The following SOX5 variants were observed in gnomAD, a reference collection of about 807,000 sequenced individuals.
SOX5 encodes transcription factor SOX-5.
In SOX5, 9 loss-of-function variants were observed where a neutral mutation model predicts 92.0. The observed-to-expected ratio is 0.10, with a 90% CI of 0.06 to 0.17. The LOEUF (loss-of-function observed/expected upper bound fraction) is 0.17, where lower values mean the gene tolerates loss of function less well. Among genes scored for constraint, SOX5 ranks in the 10% least tolerant of loss-of-function variants. SOX5 has a pLI of 1.00. For missense variants in SOX5, 642 were observed against 944.5 expected (o/e 0.68, Z 4.20); for synonymous variants, 344 against 336.3 (o/e 1.02, Z -0.25).
chr12:24,320,787 C>G (rs1229957453), intron 2 of SOX5, among the ~76,000 whole-genome samples: 1 of 151,598 alleles, frequency 6.6e-6, no homozygotes, highest in Non-Finnish European at 1.5e-5. Context: ...ATGGCGTGAA[C>G]CTGGGAGGCG....
chr12:23,591,193 G>A (rs1267967163), intron 9 of SOX5, among the ~76,000 whole-genome samples: 1 of 151,888 alleles, frequency 6.6e-6, no homozygotes, highest in Non-Finnish European at 1.5e-5. Flanking sequence ...TCCTTATACA[G>A]ACACATTCTC....
chr12:24,153,681 T>G (rs888035300), intron 4 of SOX5, among the ~76,000 whole-genome samples: 2 of 152,096 alleles, frequency 1.3e-5, no homozygotes, highest in African/African-American at 4.8e-5. Flanking sequence ...ACATTAGAAC[T>G]AAAGTGATTC....
intron 2 of SOX5, among the ~76,000 whole-genome samples, chr12:24,340,793 A>G (rs541579979): frequency 6.6e-6 from 1 of 152,340 alleles, no homozygotes; most frequent in African/African-American, 2.4e-5. Flanking sequence ...TTTAATACAG[A>G]GCTACACACT....
intron 1 of SOX5, among the ~76,000 whole-genome samples, chr12:24,481,490 T>C (rs898822889): frequency 6.6e-6 from 1 of 152,154 alleles, no homozygotes; most frequent in African/African-American, 2.4e-5. Flanking sequence ...CATGATGTGA[T>C]TATTATGCAT....
chr12:23,881,898 T>C (rs1019064558), intron 2 of SOX5, among the ~76,000 whole-genome samples: 1 of 152,166 alleles, frequency 6.6e-6, no homozygotes, highest in African/African-American at 2.4e-5. Context: ...TCTATCTATG[T>C]AAAACAAAAA....
At chr12:23,661,361 A>G (rs905536691) in intron 7 of SOX5, among the ~76,000 whole-genome samples, 1 of 152,184 alleles carries the variant, frequency 6.6e-6, no homozygotes, top group Non-Finnish European at 1.5e-5. Flanking sequence ...AATAGCAATG[A>G]TCCTGAACAT....
intron 1 of SOX5, among the ~76,000 whole-genome samples, chr12:23,945,012 T>C (rs1187263215): frequency 1.3e-5 from 2 of 152,142 alleles, no homozygotes; most frequent in Non-Finnish European, 1.5e-5. Flanking sequence ...ATTTAACTAA[T>C]CTATAAAAAG....
intron 3 of SOX5, among the ~76,000 whole-genome samples, chr12:23,782,398 A>C (rs1037469761): frequency 4.6e-5 from 7 of 152,184 alleles, no homozygotes; most frequent in Admixed American, 4.6e-4. Flanking sequence ...AGAGATATGC[A>C]GAAGCAGAAT....
chr12:24,341,928 G>T (rs1240110065), intron 2 of SOX5, among the ~76,000 whole-genome samples: 2 of 152,164 alleles, frequency 1.3e-5, no homozygotes, highest in African/African-American at 4.8e-5. Context: ...AAGGGTGGTG[G>T]TAGCTTCTGG....
chr12:24,519,485 G>A (rs753122452), intron 1 of SOX5, among the ~76,000 whole-genome samples: 2 of 151,660 alleles, frequency 1.3e-5, no homozygotes, highest in African/African-American at 4.8e-5. Context: ...AAATAGATTT[G>A]AGAAAAAAAA....
intron 4 of SOX5, among the ~76,000 whole-genome samples, chr12:24,133,419 T>C (rs1380636422): frequency 2.6e-5 from 4 of 152,216 alleles, no homozygotes; most frequent in Non-Finnish European, 5.9e-5. Context: ...GACTATGGTG[T>C]CTAATCAGAT....
At chr12:24,490,228 G>T (rs1410297529) in intron 1 of SOX5, among the ~76,000 whole-genome samples, 1 of 152,204 alleles carries the variant, frequency 6.6e-6, no homozygotes. Flanking sequence ...AGCAAGAAAA[G>T]TATCCATGGC....
intron 4 of SOX5, among the ~76,000 whole-genome samples, chr12:24,040,221 G>T (rs1445034704): frequency 6.6e-6 from 1 of 152,128 alleles, no homozygotes; most frequent in East Asian, 1.9e-4. Flanking sequence ...TTTGAAAAAT[G>T]AACAGAATTC....
At chr12:24,375,213 T>A (rs889740706) in intron 1 of SOX5, among the ~76,000 whole-genome samples, 1 of 151,736 alleles carries the variant, frequency 6.6e-6, no homozygotes, top group African/African-American at 2.4e-5. Context: ...GACCTCGTGA[T>A]CCACCCGCCT....
At chr12:24,015,902 A>G (rs1292652342) in intron 4 of SOX5, among the ~76,000 whole-genome samples, 1 of 143,212 alleles carries the variant, frequency 7.0e-6, no homozygotes. Flanking sequence ...GACATCAAAG[A>G]CTACTATTCA....
At chr12:23,795,086 T>G (rs1408261631) in intron 3 of SOX5, among the ~76,000 whole-genome samples, 2 of 152,144 alleles carry the variant, frequency 1.3e-5, no homozygotes, top group East Asian at 3.8e-4. Flanking sequence ...AGGATTCATG[T>G]TGCAGTATCT....
intron 8 of SOX5, among the ~76,000 whole-genome samples, chr12:23,620,438 A>C (rs1003810265): frequency 6.6e-6 from 1 of 152,108 alleles, no homozygotes; most frequent in African/African-American, 2.4e-5. Flanking sequence ...ACAGATTTAA[A>C]ATCGATTACA....
In SOX5 at chr12:24,346,077, C is replaced by T. The variant is rs146584052; in HGVS notation, c.-174+22486G>A. 2.4e-3 allele frequency among the ~76,000 whole-genome samples: 365 copies of T among 152,312 alleles called. 3 individuals carry two copies. Among genetic ancestry groups the T allele is most frequent in the African/African-American group, 8.0e-3 (332 of 41,570 alleles). On this transcript the variant is annotated intron_variant, in intron 2 of 4. Coordinates refer to the SOX5 transcript ENST00000446891. ...TAAGTTTCAACTGTTCACGTCATCC[C>T]GTTAAGAATGTATTTCTGCATTACT...
chr12:24,403,282 T>G (rs1962177607), intron 1 of SOX5, among the ~76,000 whole-genome samples: 1 of 152,214 alleles, frequency 6.6e-6, no homozygotes, highest in African/African-American at 2.4e-5. Context: ...CCACTCTCCC[T>G]AAGTATTGCA....
Sources: allele counts gnomAD v4.1 joint callset (sites outside exome capture counted in the v4.1 genomes callset), GRCh38; gene constraint gnomAD v4.1.1; transcripts MANE v1.5; gene names NCBI Gene and HGNC (gene_info 2026-07-23, HGNC 2026-07-21).